ZNF423: variants seen among roughly 807,000 people sequenced by gnomAD.
The protein encoded by ZNF423 is zinc finger protein 423.
ZNF423 carries 12 observed loss-of-function variants against 95.8 expected under a neutral mutation model. The ratio of observed to expected loss-of-function variants is 0.13; its 90% CI spans 0.08 to 0.20. The LOEUF (loss-of-function observed/expected upper bound fraction) is 0.20, where lower values mean the gene tolerates loss of function less well. ZNF423 is among the 10% of genes least tolerant of loss of function. The pLI is 1.00. For missense variants in ZNF423, 1,316 were observed against 1,737.1 expected (o/e 0.76, Z 4.31); for synonymous variants, 749 against 711.9 (o/e 1.05, Z -0.83).
At chr16:49,592,713 C>T (rs997186731) in intron 5 of ZNF423, among the ~76,000 whole-genome samples, 1 of 152,244 alleles carries the variant, frequency 6.6e-6, no homozygotes, top group Non-Finnish European at 1.5e-5. Flanking sequence ...ACAAAGCAGG[C>T]AGGAAACTCA....
At chr16:49,745,217 C>T (rs2033496942) in intron 2 of ZNF423, among the ~76,000 whole-genome samples, 1 of 152,156 alleles carries the variant, frequency 6.6e-6, no homozygotes, top group Non-Finnish European at 1.5e-5. Flanking sequence ...ACCAATTTTA[C>T]CATTAGCTTT....
intron 7 of ZNF423, among the ~76,000 whole-genome samples, chr16:49,501,266 A>G (rs1967388211): frequency 6.6e-6 from 1 of 152,140 alleles, no homozygotes; most frequent in African/African-American, 2.4e-5. Context: ...AGCCCCAAGA[A>G]CTCAAACTTT....
chr16:49,519,666 C>G (rs113609405), intron 7 of ZNF423, among the ~76,000 whole-genome samples: 1 of 152,128 alleles, frequency 6.6e-6, no homozygotes, highest in African/African-American at 2.4e-5. Context: ...ATATTTTCTC[C>G]CAATCAGTGA....
chr16:49,536,020 G>T (rs934260431), intron 5 of ZNF423, among the ~76,000 whole-genome samples: 4 of 152,088 alleles, frequency 2.6e-5, no homozygotes, highest in African/African-American at 7.2e-5. Context: ...TTTCTCTACT[G>T]CCGACATCAT....
At chr16:49,663,835 G>A (rs1220837584) in intron 3 of ZNF423, among the ~76,000 whole-genome samples, 2 of 152,142 alleles carry the variant, frequency 1.3e-5, no homozygotes, top group Non-Finnish European at 2.9e-5. Context: ...CATGCCGCAG[G>A]GCCCCACCCA....
chr16:49,525,595 A>G lies in ZNF423; in HGVS notation c.3602-101T>C, dbSNP rs913933619. On this transcript the variant is annotated intron_variant, in intron 5 of 7. Coordinates refer to ENST00000563137, the MANE Select transcript of ZNF423 (RefSeq NM_001379286.1). ...AGACCCCAGCACTAACCCCCCTCCA[A>G]TCCCCAGCACCGGGGCTGGTGAAGG... is the stretch of plus-strand genomic sequence containing the variant. The G allele has an allele frequency of 2.4e-5, 36 of 1,509,924 alleles. No homozygotes were observed. The Admixed American group carries it at 6.4e-4, about 27-fold the overall frequency. The allele number at this position is 1,509,924 out of a possible 1,614,324, so 93.5% of individuals were successfully genotyped here.
intron 1 of ZNF423, among the ~76,000 whole-genome samples, chr16:49,791,991 A>C (rs2034422070): frequency 7.7e-6 from 1 of 129,504 alleles, no homozygotes; most frequent in African/African-American, 3.0e-5. Context: ...CAACAGAACG[A>C]GACTCCATCT....
intron 7 of ZNF423, chr16:49,518,230 A>T: frequency 2.6e-6 from 1 of 381,598 alleles, no homozygotes; most frequent in Non-Finnish European, 5.1e-6. Flanking sequence ...TAGGTCCCCC[A>T]TTATTTTGAA....
At chr16:49,718,628 A>G (rs957929434) in intron 3 of ZNF423, among the ~76,000 whole-genome samples, 1 of 152,166 alleles carries the variant, frequency 6.6e-6, no homozygotes, top group Non-Finnish European at 1.5e-5. Context: ...CTAAACCACA[A>G]ATGTTTATTG....
intron 3 of ZNF423, among the ~76,000 whole-genome samples, chr16:49,728,259 C>T (rs920677313): frequency 4.6e-5 from 7 of 152,242 alleles, no homozygotes; most frequent in African/African-American, 1.7e-4. Context: ...TCCTAAGAAC[C>T]GAAGACCTGG....
intron 5 of ZNF423, among the ~76,000 whole-genome samples, chr16:49,581,559 T>G (rs1226818424): frequency 1.3e-5 from 2 of 152,164 alleles, no homozygotes; most frequent in South Asian, 2.1e-4. Flanking sequence ...GTTTCTTAGG[T>G]GAGCTCTAAT....
At chr16:49,628,441 T>C (rs1018461552) in intron 4 of ZNF423, among the ~76,000 whole-genome samples, 9 of 151,872 alleles carry the variant, frequency 5.9e-5, no homozygotes, top group Non-Finnish European at 1.3e-4. Context: ...CACCCATCCA[T>C]CCATCTATTC....
chr16:49,690,157 A>G (rs2031724044), intron 3 of ZNF423, among the ~76,000 whole-genome samples: 2 of 152,340 alleles, frequency 1.3e-5, no homozygotes, highest in Admixed American at 1.3e-4. Context: ...CTGAACCCTC[A>G]TCGCCATGCA....
intron 3 of ZNF423, among the ~76,000 whole-genome samples, chr16:49,682,725 G>A (rs974885110): frequency 6.6e-5 from 10 of 152,234 alleles, no homozygotes; most frequent in African/African-American, 2.4e-4. Flanking sequence ...CTCCCTGACT[G>A]TGTGGCCTTG....
At chr16:49,807,638 A>T (rs980334502) in intron 1 of ZNF423, among the ~76,000 whole-genome samples, 1 of 152,124 alleles carries the variant, frequency 6.6e-6, no homozygotes, top group Admixed American at 6.5e-5. Flanking sequence ...ACTTGGCCCC[A>T]TTGCCCACCC....
At chr16:49,544,107 T>C (rs1452166300) in intron 5 of ZNF423, among the ~76,000 whole-genome samples, 3 of 152,212 alleles carry the variant, frequency 2.0e-5, no homozygotes, top group Non-Finnish European at 4.4e-5. Flanking sequence ...TATCTGTTTA[T>C]TCAACAAATG....
At chr16:49,631,433 C>T (rs1218403098) in intron 4 of ZNF423, among the ~76,000 whole-genome samples, 1 of 151,944 alleles carries the variant, frequency 6.6e-6, no homozygotes, top group Non-Finnish European at 1.5e-5. Flanking sequence ...CCTGGAGACC[C>T]CCTCCTCCTG....
chr16:49,815,294 G>T (rs2034819347), intron 1 of ZNF423, among the ~76,000 whole-genome samples: 1 of 152,058 alleles, frequency 6.6e-6, no homozygotes, highest in Non-Finnish European at 1.5e-5. Context: ...AAAAAAAGCA[G>T]CCCCCTAAGC....
chr16:49,491,542 CTTTT>C (rs35641691), intron 7 of ZNF423, among the ~76,000 whole-genome samples: 3 of 111,240 alleles, frequency 2.7e-5, no homozygotes, highest in East Asian at 2.5e-4. Flanking sequence ...TGTTTTTTGG[CTTTT>C]TTTTTTTTTT....
Sources: gnomAD v4.1 joint callset for allele counts (sites outside exome capture counted in the v4.1 genomes callset) on GRCh38, gnomAD v4.1.1 for gene constraint, MANE v1.5 for transcripts, NCBI Gene and HGNC (gene_info 2026-07-23, HGNC 2026-07-21) for gene names.